RGS7: variants seen among roughly 807,000 people sequenced by gnomAD.
The protein encoded by RGS7 is regulator of G protein signaling 7, also known as regulator of G-protein signaling 7.
RGS7 carries 27 observed loss-of-function variants against 81.1 expected under a neutral mutation model. That is an observed-to-expected ratio of 0.33 (90% CI 0.25 to 0.46). The LOEUF (loss-of-function observed/expected upper bound fraction) is 0.46. Ranked by LOEUF, RGS7 falls within the 20% of genes least tolerant of loss-of-function variation. The pLI is 1.00. For synonymous variants in RGS7, 208 were observed against 207.7 expected (o/e 1.00, Z -0.01); for missense variants, 396 against 607.4 (o/e 0.65, Z 3.66).
chr1:240,884,867 C>G (rs988639138), intron 6 of RGS7, among the ~76,000 whole-genome samples: 2 of 152,072 alleles, frequency 1.3e-5, no homozygotes, highest in Non-Finnish European at 2.9e-5. Flanking sequence ...GACAAAGACA[C>G]CAAAAGCAAC....
chr1:240,988,833 A>C (rs894605058), intron 3 of RGS7, among the ~76,000 whole-genome samples: 1 of 152,194 alleles, frequency 6.6e-6, no homozygotes, highest in African/African-American at 2.4e-5. Context: ...CGGGTACTGA[A>C]AAAAGAGAAA....
In RGS7 at chr1:240,811,981, T is replaced by C. The variant is rs1689924962; in HGVS notation, c.1019A>G (p.Asp340Gly). ...WGFGMDEALKDPVGREQFLKF... is the reference protein window; with the variant it reads ...WGFGMDEALKGPVGREQFLKF... ...AAGGAACTGTTCTCTCCCAACTGGG[T>C]CTTTCAATGCCTCGTCCATGCCAAA... The change falls in exon 14 of 19, where the codon GAC becomes GGC. Residue 340 changes from aspartate to glycine, a missense_variant. Asp to Gly is a moderately conservative substitution (Grantham distance 94, BLOSUM62 -1). Transcript: ENST00000440928. 2 of 1,613,916 alleles carry C rather than the reference T, an allele frequency of 1.2e-6. No homozygotes were observed. Among genetic ancestry groups the C allele is most frequent in the African/African-American group, 2.7e-5 (2 of 74,934 alleles).
At chr1:241,176,640 G>T (rs1373184640) in intron 2 of RGS7, among the ~76,000 whole-genome samples, 1 of 152,136 alleles carries the variant, frequency 6.6e-6, no homozygotes, top group Non-Finnish European at 1.5e-5. Flanking sequence ...TAAAGATGCT[G>T]CATTTGGGGT....
At chr1:240,903,045 A>C (rs1670261906) in intron 6 of RGS7, among the ~76,000 whole-genome samples, 1 of 152,214 alleles carries the variant, frequency 6.6e-6, no homozygotes, top group Admixed American at 6.5e-5. Flanking sequence ...TCCAAGAAAA[A>C]CATATTGGTG....
At chr1:240,999,582 T>G (rs1457209306) in intron 3 of RGS7, among the ~76,000 whole-genome samples, 1 of 152,150 alleles carries the variant, frequency 6.6e-6, no homozygotes, top group Admixed American at 6.5e-5. Context: ...GTCTTCCTGG[T>G]TCTTGGTACG....
chr1:240,987,528 TC>T (rs1399778400), intron 3 of RGS7, among the ~76,000 whole-genome samples: 1 of 151,496 alleles, frequency 6.6e-6, no homozygotes, highest in Admixed American at 6.6e-5. Context: ...TAACTATTCT[TC>T]TTTTTTTTTT....
At chr1:241,122,378 ACTGT>A (rs766739151) in intron 2 of RGS7, among the ~76,000 whole-genome samples, 6 of 152,204 alleles carry the variant, frequency 3.9e-5, no homozygotes, top group Non-Finnish European at 8.8e-5. Context: ...AATACACCTA[ACTGT>A]CTGGGCATGG....
intron 6 of RGS7, among the ~76,000 whole-genome samples, chr1:240,882,402 G>T (rs948756158): frequency 6.6e-6 from 1 of 152,192 alleles, no homozygotes. Flanking sequence ...TTACAATTCT[G>T]CTCTATCATA....
intron 2 of RGS7, among the ~76,000 whole-genome samples, chr1:241,211,369 C>T (rs926239157): frequency 3.3e-5 from 5 of 152,104 alleles, no homozygotes; most frequent in African/African-American, 1.2e-4. Flanking sequence ...TATGTGGGAA[C>T]CATGCCATTT....
At chr1:240,784,467 C>G (rs1684696960) in intron 18 of RGS7, among the ~76,000 whole-genome samples, 1 of 150,920 alleles carries the variant, frequency 6.6e-6, no homozygotes, top group Non-Finnish European at 1.5e-5. Flanking sequence ...AGTGAAACCT[C>G]GTCTCTACAA....
intron 3 of RGS7, among the ~76,000 whole-genome samples, chr1:241,053,791 TG>T (rs2061360825): frequency 6.6e-6 from 1 of 152,196 alleles, no homozygotes; most frequent in South Asian, 2.1e-4. Flanking sequence ...ACTGTTCTCA[TG>T]GTAGTGAATA....
chr1:241,191,947 C>G (rs2072686790), intron 2 of RGS7, among the ~76,000 whole-genome samples: 1 of 152,206 alleles, frequency 6.6e-6, no homozygotes, highest in African/African-American at 2.4e-5. Context: ...CCTTCCTGGG[C>G]TGCCTCTGTT....
rs2078351600 is a variant in RGS7 at position 241,278,965 on chromosome 1, A to G, written c.78+76734T>C. Among the ~76,000 whole-genome samples the G allele has an allele frequency of 4.6e-5, 7 of 152,096 alleles. No individual in the cohort carries two copies. The South Asian group carries it at 1.2e-3, about 27-fold the overall frequency. ...AGCAGGATCCCTTTACTCCACCATAAAAGGAACACATACCCACAACTATTC... is the reference window on the plus strand; with the variant it reads ...AGCAGGATCCCTTTACTCCACCATAGAAGGAACACATACCCACAACTATTC... On this transcript the variant is annotated intron_variant, in intron 2 of 18. Transcript: ENST00000440928.
chr1:240,849,601 G>A (rs1328798285), intron 9 of RGS7, among the ~76,000 whole-genome samples: 1 of 152,196 alleles, frequency 6.6e-6, no homozygotes, highest in Non-Finnish European at 1.5e-5. Flanking sequence ...GATCCCTCAT[G>A]AATGGCTTAG....
intron 6 of RGS7, among the ~76,000 whole-genome samples, chr1:240,928,685 T>C (rs1674898077): frequency 6.6e-6 from 1 of 151,212 alleles, no homozygotes. Context: ...CTTGGCTGAC[T>C]GCAACCTCCA....
chr1:240,978,212 G>C (rs1684431071), intron 4 of RGS7, among the ~76,000 whole-genome samples: 1 of 152,180 alleles, frequency 6.6e-6, no homozygotes, highest in South Asian at 2.1e-4. Flanking sequence ...GTTCCATGTA[G>C]AGTCCTTCAT....
At chr1:241,155,246 G>A (rs548929463) in intron 2 of RGS7, among the ~76,000 whole-genome samples, 8 of 152,162 alleles carry the variant, frequency 5.3e-5, no homozygotes, top group Admixed American at 4.6e-4. Flanking sequence ...GATTACAGGT[G>A]CATACCCCGA....
In RGS7 at chr1:240,822,484, C is replaced by A. The variant is rs150711072; in HGVS notation, c.684+4614G>T. On this transcript the variant is annotated intron_variant, in intron 10 of 18. Transcript: ENST00000440928. ...CATCTTCACGTTTCTAATAATAATG[C>A]ACAAAATATCAAAAATACAAAGTCT... Among the ~76,000 whole-genome samples the A allele has an allele frequency of 2.1e-3, 319 of 152,220 alleles. 1 individual carries two copies. Among genetic ancestry groups the A allele is most frequent in the African/African-American group, 6.8e-3 (284 of 41,550 alleles).
chr1:241,201,118 G>C (rs1231519961), intron 2 of RGS7, among the ~76,000 whole-genome samples: 4 of 152,082 alleles, frequency 2.6e-5, no homozygotes, highest in Non-Finnish European at 5.9e-5. Context: ...GCTTTCTCTG[G>C]TTCACTTGCC....
Sources: allele counts gnomAD v4.1 joint callset (sites outside exome capture counted in the v4.1 genomes callset), GRCh38; gene constraint gnomAD v4.1.1; transcripts MANE v1.5; gene names NCBI Gene and HGNC (gene_info 2026-07-23, HGNC 2026-07-21).